The following LIN28B variants were observed in gnomAD, a reference collection of about 807,000 sequenced individuals.
The protein encoded by LIN28B is protein lin-28 homolog B.
A neutral mutation model predicts 21.9 loss-of-function variants in LIN28B; 5 were observed. The ratio of observed to expected loss-of-function variants is 0.23; its 90% confidence interval spans 0.12 to 0.48. LIN28B has a LOEUF of 0.48. LIN28B is among the 20% of genes least tolerant of loss of function. The probability of loss-of-function intolerance (pLI) is 0.98; values close to 1 mark genes in which losing one functional copy is unlikely to be tolerated. For synonymous variants in LIN28B, 109 were observed against 111.3 expected, an observed-to-expected ratio of 0.98 and a Z score of 0.13; for missense variants, 245 against 310.5, an observed-to-expected ratio of 0.79 and a Z score of 1.58.
At chr6:104,998,041 CT>C (rs1471884297) in intron 2 of LIN28B, among the ~76,000 whole-genome samples, 1 of 152,050 alleles carries the variant, frequency 6.6e-6, no homozygotes, top group Non-Finnish European at 1.5e-5. Context: ...AAATTAAGTC[CT>C]TTTGTTATCC....
At position 104,961,908 on chromosome 6, in the gene LIN28B, T is replaced by G. The variant is rs368743727; in HGVS notation, c.198+3622T>G. ...AAGACTTAAATATTTGATGGTACTT[T>G]AGAGGAATAGAATGGTAATTAAATA... On this transcript the variant is annotated intron_variant, in intron 2 of 3. Coordinates refer to ENST00000345080, the MANE Select transcript of LIN28B (RefSeq NM_001004317.4). Among the ~76,000 whole-genome samples, 5 of 152,224 alleles carry G rather than the reference T, an allele frequency of 3.3e-5. No homozygotes were observed. The East Asian group carries it at 5.8e-4, about 18-fold the overall frequency.
chr6:104,977,602 C>G (rs953688866), intron 2 of LIN28B, among the ~76,000 whole-genome samples: 1 of 152,000 alleles, frequency 6.6e-6, no homozygotes, highest in Non-Finnish European at 1.5e-5. Flanking sequence ...GACGATCACT[C>G]TGGCAGCCAG....
At chr6:104,982,131 G>A (rs777235524) in intron 2 of LIN28B, among the ~76,000 whole-genome samples, 13 of 151,956 alleles carry the variant, frequency 8.6e-5, no homozygotes, top group Non-Finnish European at 1.5e-4. Context: ...TGGCTAACAC[G>A]GTGAAACCCT....
chr6:104,999,871 G>A (rs1476676049), intron 2 of LIN28B, among the ~76,000 whole-genome samples: 4 of 151,980 alleles, frequency 2.6e-5, no homozygotes, highest in Non-Finnish European at 5.9e-5. Context: ...TTAGAGACGG[G>A]GTTTCTCCAT....
intron 2 of LIN28B, among the ~76,000 whole-genome samples, chr6:105,011,661 C>A (rs558975196): frequency 2.6e-5 from 4 of 151,192 alleles, no homozygotes; most frequent in Admixed American, 2.6e-4. Flanking sequence ...ACCAGCCTGG[C>A]CAATATGGAG....
At chr6:104,982,113 G>A (rs1770237318) in intron 2 of LIN28B, among the ~76,000 whole-genome samples, 1 of 152,058 alleles carries the variant, frequency 6.6e-6, no homozygotes, top group Non-Finnish European at 1.5e-5. Flanking sequence ...AGGAGATTGA[G>A]ACCATCCTGG....
chr6:104,999,173 T>A lies in LIN28B; in HGVS notation c.199-27125T>A, dbSNP rs553886106. On this transcript the variant is annotated intron_variant, in intron 2 of 3. Transcript: ENST00000345080. ...TATTATTTTATTTATTTATTTATTT[T>A]TTGAGGTGGGGGCTAGAGTTCAGTG... Among the ~76,000 whole-genome samples, 16 of 152,142 alleles carry A rather than the reference T, an allele frequency of 1.1e-4. No individual in the cohort carries two copies. In the South Asian group the frequency reaches 1.2e-3, roughly 12 times the overall value.
intron 2 of LIN28B, among the ~76,000 whole-genome samples, chr6:104,977,453 C>G (rs574614258): frequency 6.6e-6 from 1 of 151,940 alleles, no homozygotes; most frequent in Non-Finnish European, 1.5e-5. Context: ...TATCATAGAC[C>G]GTCTTCTATT....
At chr6:104,981,776 A>C (rs944462350) in intron 2 of LIN28B, among the ~76,000 whole-genome samples, 1 of 152,238 alleles carries the variant, frequency 6.6e-6, no homozygotes, top group African/African-American at 2.4e-5. Flanking sequence ...AGGGAAAGTT[A>C]CTTGTTGCTC....
chr6:104,944,676 T>C (rs1318891247), intron 2 of LIN28B, among the ~76,000 whole-genome samples: 1 of 152,130 alleles, frequency 6.6e-6, no homozygotes, highest in Admixed American at 6.5e-5. Context: ...TGAGTACTAG[T>C]ATGAAACCAT....
At chr6:105,033,697 A>G (rs1203756070) in intron 3 of LIN28B, among the ~76,000 whole-genome samples, 2 of 151,784 alleles carry the variant, frequency 1.3e-5, no homozygotes, top group African/African-American at 4.8e-5. Flanking sequence ...TGTCTTTATA[A>G]AAAAGTGAAG....
At chr6:104,962,206 A>G (rs1769761236) in intron 2 of LIN28B, among the ~76,000 whole-genome samples, 1 of 152,132 alleles carries the variant, frequency 6.6e-6, no homozygotes. Flanking sequence ...ACAATTGTTT[A>G]CATAAATGTA....
intron 2 of LIN28B, among the ~76,000 whole-genome samples, chr6:104,979,520 T>A (rs889143693): frequency 1.5e-4 from 23 of 152,120 alleles, no homozygotes; most frequent in African/African-American, 5.6e-4. Context: ...AGATGATTTT[T>A]AAAATCACCC....
intron 3 of LIN28B, among the ~76,000 whole-genome samples, chr6:104,951,637 C>T (rs1017228313): frequency 1.3e-5 from 2 of 152,124 alleles, no homozygotes; most frequent in African/African-American, 4.8e-5. Context: ...TGTTAAGTGA[C>T]TGCAATAAAG....
chr6:105,045,945 G>T (rs922148117), intron 3 of LIN28B, among the ~76,000 whole-genome samples: 3 of 151,886 alleles, frequency 2.0e-5, no homozygotes, highest in Non-Finnish European at 2.9e-5. Context: ...TCTCTGTATG[G>T]TTTTCTATTT....
At chr6:104,995,746 C>T (rs1006122396) in intron 2 of LIN28B, among the ~76,000 whole-genome samples, 3 of 151,822 alleles carry the variant, frequency 2.0e-5, no homozygotes, top group East Asian at 3.9e-4. Flanking sequence ...TATATATGTG[C>T]GTTTAATGGA....
chr6:105,055,710 T>C (rs140616990), intron 3 of LIN28B, among the ~76,000 whole-genome samples: 1 of 152,296 alleles, frequency 6.6e-6, no homozygotes, highest in African/African-American at 2.4e-5. Flanking sequence ...ATTTTAGATA[T>C]TGTAGTTTTC....
intron 2 of LIN28B, among the ~76,000 whole-genome samples, chr6:105,013,774 A>G (rs777932082): frequency 6.6e-6 from 1 of 152,156 alleles, no homozygotes; most frequent in Non-Finnish European, 1.5e-5. Context: ...AAAAAATTAT[A>G]CAACTTAATC....
At chr6:104,963,904 AAGTATTC>A (rs781093522) in intron 2 of LIN28B, among the ~76,000 whole-genome samples, 20 of 152,202 alleles carry the variant, frequency 1.3e-4, no homozygotes, top group Non-Finnish European at 2.5e-4. Flanking sequence ...AACCACTTAC[AAGTATTC>A]AGTGTAACCT....
Sources: allele counts gnomAD v4.1 joint callset (sites outside exome capture counted in the v4.1 genomes callset), GRCh38; gene constraint gnomAD v4.1.1; transcripts MANE v1.5; gene names NCBI Gene and HGNC (gene_info 2026-07-23, HGNC 2026-07-21).